The following SOX5 variants were observed in gnomAD, a reference collection of about 807,000 sequenced individuals.
SOX5 encodes transcription factor SOX-5.
Under a neutral mutation model 92.0 loss-of-function variants are expected in SOX5, and 9 were observed. The ratio of observed to expected loss-of-function variants is 0.10; its 90% CI spans 0.06 to 0.17. SOX5 has a LOEUF of 0.17. SOX5 is among the 10% of genes least tolerant of loss of function. The probability of loss-of-function intolerance (pLI) is 1.00; values close to 1 mark genes in which losing one functional copy is unlikely to be tolerated. For missense variants in SOX5, 642 were observed against 944.5 expected, an observed-to-expected ratio of 0.68 and a Z score of 4.20; for synonymous variants, 344 against 336.3, an observed-to-expected ratio of 1.02 and a Z score of -0.25.
intron 1 of SOX5, among the ~76,000 whole-genome samples, chr12:24,541,764 A>G (rs1218789483): frequency 6.6e-6 from 1 of 152,226 alleles, no homozygotes; most frequent in African/African-American, 2.4e-5. Flanking sequence ...GAAACAGTGA[A>G]CATAAATGTA....
chr12:23,826,808 T>C (rs1054544300), intron 3 of SOX5, among the ~76,000 whole-genome samples: 1 of 152,224 alleles, frequency 6.6e-6, no homozygotes, highest in African/African-American at 2.4e-5. Flanking sequence ...AATGTCACAC[T>C]GTGGTATGCA....
intron 7 of SOX5, among the ~76,000 whole-genome samples, chr12:23,652,628 G>T (rs1309841669): frequency 6.6e-6 from 1 of 150,760 alleles, no homozygotes; most frequent in Non-Finnish European, 1.5e-5. Flanking sequence ...TCTACTCCTG[G>T]TGTTCTTATA....
chr12:23,657,140 A>G (rs2082409068), intron 7 of SOX5, among the ~76,000 whole-genome samples: 1 of 152,092 alleles, frequency 6.6e-6, no homozygotes, highest in Non-Finnish European at 1.5e-5. Context: ...GAATGTGGAA[A>G]TGGAAGCTGG....
At chr12:23,652,558 A>T (rs1165971356) in intron 7 of SOX5, among the ~76,000 whole-genome samples, 1 of 147,518 alleles carries the variant, frequency 6.8e-6, no homozygotes, top group Admixed American at 6.8e-5. Flanking sequence ...GCTGTCCCAC[A>T]ATAAGCTCCA....
At chr12:24,280,192 G>A (rs921513375) in intron 2 of SOX5, among the ~76,000 whole-genome samples, 4 of 152,270 alleles carry the variant, frequency 2.6e-5, no homozygotes, top group East Asian at 1.9e-4. Flanking sequence ...GCCAGTAAAA[G>A]GTTACTCAGT....
intron 4 of SOX5, among the ~76,000 whole-genome samples, chr12:24,026,298 C>T (rs557069861): frequency 6.6e-6 from 1 of 151,982 alleles, no homozygotes. Flanking sequence ...ATTAGATATT[C>T]CGAGTATAAA....
At chr12:24,495,492 G>A (rs1031560786) in intron 1 of SOX5, among the ~76,000 whole-genome samples, 4 of 152,114 alleles carry the variant, frequency 2.6e-5, no homozygotes, top group East Asian at 1.9e-4. Context: ...ACTCAATTTC[G>A]GAGAATTCAA....
At chr12:23,988,337 A>G (rs1027613183) in intron 4 of SOX5, among the ~76,000 whole-genome samples, 1 of 152,154 alleles carries the variant, frequency 6.6e-6, no homozygotes, top group Non-Finnish European at 1.5e-5. Flanking sequence ...AGGCAAGGAG[A>G]TCCCAACCTT....
At chr12:23,677,584 C>T (rs1388869386) in intron 6 of SOX5, among the ~76,000 whole-genome samples, 2 of 152,098 alleles carry the variant, frequency 1.3e-5, no homozygotes, top group Admixed American at 1.3e-4. Flanking sequence ...TAAAGCAAAA[C>T]AAAACCTTTT....
intron 6 of SOX5, among the ~76,000 whole-genome samples, chr12:23,700,027 T>G (rs2090408782): frequency 6.6e-6 from 1 of 152,088 alleles, no homozygotes; most frequent in South Asian, 2.1e-4. Context: ...GAGAAAAAAT[T>G]TTAAGAGTCA....
intron 1 of SOX5, among the ~76,000 whole-genome samples, chr12:24,461,163 G>A (rs535420336): frequency 3.3e-5 from 5 of 152,102 alleles, no homozygotes; most frequent in Admixed American, 1.3e-4. Context: ...CTGAGTTTTC[G>A]CATTGATACA....
rs1432328446 is a variant in SOX5, at chr12:24,331,682, T to C, written c.-174+36881A>G. On this transcript the variant is annotated intron_variant, in intron 2 of 4. Transcript: ENST00000446891. ...GGCCAACATCATGAAACCCCACCTCTACTAAAAATACAAAAATTAGTTGGG... is the reference window on the plus strand; with the variant it reads ...GGCCAACATCATGAAACCCCACCTCCACTAAAAATACAAAAATTAGTTGGG... Among the ~76,000 whole-genome samples, 3 of 151,676 alleles carry C rather than the reference T, an allele frequency of 2.0e-5. No homozygotes were observed. In the East Asian group the frequency reaches 5.8e-4, roughly 29 times the overall value.
At chr12:24,508,713 T>C (rs982997036) in intron 1 of SOX5, among the ~76,000 whole-genome samples, 1 of 152,092 alleles carries the variant, frequency 6.6e-6, no homozygotes, top group Non-Finnish European at 1.5e-5. Context: ...TGTGGGGCTA[T>C]AATAATCACT....
At chr12:24,299,241 G>A (rs545213326) in intron 2 of SOX5, among the ~76,000 whole-genome samples, 1 of 152,084 alleles carries the variant, frequency 6.6e-6, no homozygotes, top group Non-Finnish European at 1.5e-5. Context: ...TGATTGCCCT[G>A]AGTAGCTTTG....
rs566881956 is a variant in SOX5, at chr12:23,985,451, G to T, written c.-1-89427C>A. On this transcript the variant is annotated intron_variant, in intron 4 of 4. Coordinates refer to the SOX5 transcript ENST00000446891. ...ATTTTACACATTTCCATCTCTAAGG[G>T]ATAATGAGTGGCAGTGCACACTAAA... Among the ~76,000 whole-genome samples the T allele has an allele frequency of 2.0e-5, 3 of 152,130 alleles. No individual in the cohort carries two copies. In the South Asian group the frequency reaches 6.2e-4, roughly 32 times the overall value.
intron 2 of SOX5, among the ~76,000 whole-genome samples, chr12:24,307,040 C>A (rs1948645716): frequency 1.3e-5 from 2 of 152,040 alleles, no homozygotes; most frequent in African/African-American, 4.8e-5. Flanking sequence ...CAAGACCAAC[C>A]AGGGCAACAT....
intron 4 of SOX5, among the ~76,000 whole-genome samples, chr12:24,079,572 C>T (rs1433036768): frequency 6.6e-6 from 1 of 151,810 alleles, no homozygotes; most frequent in African/African-American, 2.4e-5. Flanking sequence ...TTAATAATAT[C>T]CTAATCCTGC....
chr12:23,619,511 C>T (rs956353998), intron 8 of SOX5, among the ~76,000 whole-genome samples: 2 of 152,146 alleles, frequency 1.3e-5, no homozygotes, highest in South Asian at 4.1e-4. Flanking sequence ...GCTCTTAACT[C>T]TTAGCCTATG....
At chr12:24,258,676 A>G (rs531031033) in intron 3 of SOX5, among the ~76,000 whole-genome samples, 2 of 152,342 alleles carry the variant, frequency 1.3e-5, no homozygotes, top group East Asian at 1.9e-4. Context: ...AGTAAAGTTG[A>G]TCACTAGGAA....
Sources: gnomAD v4.1 joint callset for allele counts (sites outside exome capture counted in the v4.1 genomes callset) on GRCh38, gnomAD v4.1.1 for gene constraint, MANE v1.5 for transcripts, NCBI Gene and HGNC (gene_info 2026-07-23, HGNC 2026-07-21) for gene names.